Variants in WDR7 observed in about 807,000 individuals in gnomAD.
WDR7 encodes the protein WD repeat-containing protein 7.
In WDR7, 46 loss-of-function variants were observed where a neutral mutation model predicts 169.4. The ratio of observed to expected loss-of-function variants is 0.27; its 90% CI spans 0.21 to 0.35. The LOEUF is 0.35. WDR7 is among the 10% of genes least tolerant of loss of function. WDR7 has a pLI of 1.00. For missense variants in WDR7, 1,534 were observed against 1,859.3 expected (o/e 0.83, Z 3.22); for synonymous variants, 612 against 666.8 (o/e 0.92, Z 1.27).
chr18:56,730,847 C>T (rs1278087279), intron 13 of WDR7, among the ~76,000 whole-genome samples: 6 of 151,952 alleles, frequency 3.9e-5, no homozygotes, highest in Middle Eastern at 3.4e-3. Flanking sequence ...CACAAACATA[C>T]GAAGAAACAT....
At chr18:56,875,495 GA>G (rs1246464938) in intron 20 of WDR7, among the ~76,000 whole-genome samples, 1 of 152,144 alleles carries the variant, frequency 6.6e-6, no homozygotes, top group Non-Finnish European at 1.5e-5. Flanking sequence ...CTGTTTGTGG[GA>G]TATAAATTGG....
chr18:56,808,436 A>G (rs2044812944), intron 19 of WDR7, among the ~76,000 whole-genome samples: 1 of 152,170 alleles, frequency 6.6e-6, no homozygotes, highest in Non-Finnish European at 1.5e-5. Flanking sequence ...TATTACTGAG[A>G]ATGAGAAATA....
At chr18:56,691,590 T>G in intron 8 of WDR7, 125 bp from the exon 9 acceptor site, 16 of 865,628 alleles carry the variant, frequency 1.8e-5, no homozygotes, top group Non-Finnish European at 2.5e-5. Context: ...ATTTAATGCC[T>G]GCATTAAATT....
chr18:56,982,786 C>T (rs977029112), intron 26 of WDR7, among the ~76,000 whole-genome samples: 1 of 152,170 alleles, frequency 6.6e-6, no homozygotes, highest in Non-Finnish European at 1.5e-5. Context: ...AACTTCTGCT[C>T]ATGTTAGGTG....
chr18:57,017,050 G>A (rs140126218), intron 26 of WDR7, among the ~76,000 whole-genome samples: 72 of 152,296 alleles, frequency 4.7e-4, no homozygotes, highest in East Asian at 3.1e-3. Context: ...CATCCAATCC[G>A]CTCCATCACA....
intron 16 of WDR7, among the ~76,000 whole-genome samples, chr18:56,769,981 A>AT (rs1040091623): frequency 1.3e-5 from 2 of 151,792 alleles, no homozygotes; most frequent in African/African-American, 4.8e-5. Context: ...GGGTAGGGAC[A>AT]TTTTTTTTCT....
chr18:56,851,459 T>G (rs1201263740), intron 20 of WDR7, among the ~76,000 whole-genome samples: 4 of 152,232 alleles, frequency 2.6e-5, no homozygotes, highest in Non-Finnish European at 4.4e-5. Context: ...CACTGGTATT[T>G]GCTTTGCCTC....
chr18:56,961,871 G>A (rs1423450843), intron 25 of WDR7, among the ~76,000 whole-genome samples: 3 of 152,054 alleles, frequency 2.0e-5, no homozygotes, highest in Non-Finnish European at 2.9e-5. Context: ...TTTTCTGGTG[G>A]ATAGTTTTCT....
In WDR7 at chr18:56,651,386, G is replaced by T. The variant is rs1291035138; in HGVS notation, c.-210G>T. 1 of 154,100 alleles carries T rather than the reference G, an allele frequency of 6.5e-6. No homozygotes were observed. The highest frequency in any genetic ancestry group is 1.9e-4 in the East Asian group (1 of 5,222). 9.5% of individuals were successfully genotyped at this position (154,100 alleles called of 1,614,324 possible). ...CTGATTTACTGCAGTGGCGGCGGCG[G>T]CGGCACCGGCACCTTGCAGTATCAC... is the stretch of plus-strand genomic sequence containing the variant. On this transcript the variant is annotated 5_prime_UTR_variant, in exon 1 of 28. Coordinates refer to ENST00000254442, the MANE Select transcript of WDR7 (RefSeq NM_015285.3).
At chr18:56,697,119 T>C (rs1302258815) in intron 12 of WDR7, among the ~76,000 whole-genome samples, 2 of 152,182 alleles carry the variant, frequency 1.3e-5, no homozygotes, top group African/African-American at 2.4e-5. Flanking sequence ...ATTAGTCATC[T>C]TTGTGTGCAT....
intron 21 of WDR7, among the ~76,000 whole-genome samples, chr18:56,900,678 T>C (rs1332312623): frequency 6.6e-6 from 1 of 152,160 alleles, no homozygotes; most frequent in African/African-American, 2.4e-5. Context: ...TTGTAGATAA[T>C]GAAATTTGCC....
intron 21 of WDR7, among the ~76,000 whole-genome samples, chr18:56,894,986 C>G (rs2046310862): frequency 6.6e-6 from 1 of 151,978 alleles, no homozygotes; most frequent in Non-Finnish European, 1.5e-5. Flanking sequence ...CATAAGGACT[C>G]TTAATAAACA....
At chr18:57,016,261 C>T (rs746871260) in intron 26 of WDR7, among the ~76,000 whole-genome samples, 4 of 152,254 alleles carry the variant, frequency 2.6e-5, no homozygotes, top group South Asian at 2.1e-4. Flanking sequence ...AGTCCACGCT[C>T]GTGCATTTTT....
intron 20 of WDR7, among the ~76,000 whole-genome samples, chr18:56,870,869 T>C (rs1415367374): frequency 6.6e-6 from 1 of 152,218 alleles, no homozygotes. Context: ...AACTCACTTT[T>C]GAAGATCTAG....
chr18:56,965,010 T>A (rs1749875604), intron 26 of WDR7, among the ~76,000 whole-genome samples: 1 of 152,224 alleles, frequency 6.6e-6, no homozygotes, highest in Non-Finnish European at 1.5e-5. Context: ...ATGGGTAGCA[T>A]GTTTAGAAAT....
chr18:56,976,254 A>G (rs977105659), intron 26 of WDR7, among the ~76,000 whole-genome samples: 1 of 152,234 alleles, frequency 6.6e-6, no homozygotes, highest in African/African-American at 2.4e-5. Flanking sequence ...CATTAAGTAA[A>G]AATAGAAATT....
At chr18:56,775,060 C>G (rs569603705) in intron 16 of WDR7, among the ~76,000 whole-genome samples, 1 of 152,218 alleles carries the variant, frequency 6.6e-6, no homozygotes, top group African/African-American at 2.4e-5. Flanking sequence ...TCCTTTTACA[C>G]TTGTTCCTTA....
Position 56,678,600 on chromosome 18 carries a change from G to A in WDR7, c.160-732G>A, listed in dbSNP as rs180989504. 1.8e-3 allele frequency among the ~76,000 whole-genome samples: 271 copies of A among 152,154 alleles called. 1 individual carries two copies. Among genetic ancestry groups the A allele is most frequent in the African/African-American group, 5.8e-3 (240 of 41,506 alleles). ...CAACCTCTGCCTCCTGGGTTCAAGC[G>A]ATTCTCCTGCCTCAGCCTCCTGAGT... On this transcript the variant is annotated intron_variant, in intron 2 of 27. Coordinates refer to ENST00000254442, the MANE Select transcript of WDR7 (RefSeq NM_015285.3).
At chr18:56,974,117 A>T (rs571765724) in intron 26 of WDR7, among the ~76,000 whole-genome samples, 1 of 152,308 alleles carries the variant, frequency 6.6e-6, no homozygotes, top group African/African-American at 2.4e-5. Flanking sequence ...CTTATAAAGC[A>T]TTCTCAGAGT....
Sources: allele counts gnomAD v4.1 joint callset (sites outside exome capture counted in the v4.1 genomes callset), GRCh38; gene constraint gnomAD v4.1.1; transcripts MANE v1.5; gene names NCBI Gene and HGNC (gene_info 2026-07-23, HGNC 2026-07-21).